SCML4: variants seen among roughly 807,000 people sequenced by gnomAD.
The protein encoded by SCML4 is sex comb on midleg-like protein 4.
SCML4 carries 34 observed loss-of-function variants against 41.1 expected under a neutral mutation model. The observed-to-expected ratio is 0.83, with a 90% CI of 0.63 to 1.10. SCML4 has a LOEUF of 1.10. Ranked by LOEUF, SCML4 falls within the 50% of genes least tolerant of loss-of-function variation. The pLI, the probability that SCML4 is intolerant of heterozygous loss-of-function variation, is 0.00. For missense variants in SCML4, 522 were observed against 534.1 expected (o/e 0.98, Z 0.22); for synonymous variants, 214 against 220.9 (o/e 0.97, Z 0.28).
At chr6:107,732,681 T>C (rs1763520607) in intron 5 of SCML4, among the ~76,000 whole-genome samples, 1 of 152,112 alleles carries the variant, frequency 6.6e-6, no homozygotes. Context: ...GCAGGTTCCA[T>C]ACCACCCTCC....
the SCML4 span, among the ~76,000 whole-genome samples, chr6:107,830,181 A>G: frequency 2.0e-5 from 3 of 152,188 alleles, no homozygotes; most frequent in Non-Finnish European, 4.4e-5. Flanking sequence ...GCCATGTGCT[A>G]AAGACATAGG....
intron 4 of SCML4, 66 bp from the exon 5 acceptor site, chr6:107,745,209 T>C: frequency 1.6e-6 from 2 of 1,219,542 alleles, no homozygotes; most frequent in Middle Eastern, 2.0e-4. Context: ...CAATCGGCCG[T>C]GGTGAGGATT....
rs993347886 is a variant in SCML4, at chr6:107,718,868, A to G, written c.973+1835T>C. The G allele has an allele frequency of 2.6e-5, 4 of 152,244 alleles. No individual in the cohort carries two copies. In the East Asian group the frequency reaches 5.8e-4, roughly 22 times the overall value. The allele number at this position is 152,244 out of a possible 1,614,324, so 9.4% of individuals were successfully genotyped here. On this transcript the variant is annotated intron_variant, in intron 6 of 7. Coordinates refer to ENST00000369020, the MANE Select transcript of SCML4 (RefSeq NM_198081.5). ...CCCTGAGAAAAGGGGAATGGGGCTG[A>G]GGAGAAGAGGATGAGAGAAAGACAT...
intron 3 of SCML4, among the ~76,000 whole-genome samples, chr6:107,749,209 A>G (rs1778399287): frequency 6.6e-6 from 1 of 152,046 alleles, no homozygotes; most frequent in Non-Finnish European, 1.5e-5. Context: ...CAGTTGGTGG[A>G]TGCCCCACCA....
intron 2 of SCML4, among the ~76,000 whole-genome samples, chr6:107,761,656 C>A (rs1779606939): frequency 6.6e-6 from 1 of 152,024 alleles, no homozygotes; most frequent in Non-Finnish European, 1.5e-5. Context: ...AGGCTGGTCT[C>A]AAACTCCTGA....
At chr6:107,749,506 A>G (rs1001745107) in intron 3 of SCML4, among the ~76,000 whole-genome samples, 178 bp downstream of exon 3, 2 of 152,226 alleles carry the variant, frequency 1.3e-5, no homozygotes, top group African/African-American at 4.8e-5. Flanking sequence ...GCTGTGGGAC[A>G]TATAAACTGG....
intron 7 of SCML4, 78 bp from the exon 8 acceptor site, chr6:107,705,403 G>T (rs1037481521): frequency 6.6e-6 from 9 of 1,371,226 alleles, no homozygotes; most frequent in Non-Finnish European, 9.1e-6. Context: ...GTTAAGGTGT[G>T]GTCAAGGGGT....
At chr6:107,748,675 G>A (rs1778348044) in intron 3 of SCML4, among the ~76,000 whole-genome samples, 1 of 152,202 alleles carries the variant, frequency 6.6e-6, no homozygotes. Flanking sequence ...ACAAAATGAA[G>A]CAGTCCCTGC....
At chr6:107,838,872 A>G in the SCML4 span, among the ~76,000 whole-genome samples, 1 of 152,176 alleles carries the variant, frequency 6.6e-6, no homozygotes, top group East Asian at 1.9e-4. Context: ...CTTTATTGGG[A>G]GGATGAAGGG....
intron 6 of SCML4, among the ~76,000 whole-genome samples, chr6:107,716,855 C>G (rs976181674): frequency 1.3e-5 from 2 of 152,136 alleles, no homozygotes; most frequent in Admixed American, 6.5e-5. Flanking sequence ...TAAGCAGAAA[C>G]GGAAACCTCT....
chr6:107,835,875 TC>T, the SCML4 span, among the ~76,000 whole-genome samples: 1 of 151,834 alleles, frequency 6.6e-6, no homozygotes, highest in Non-Finnish European at 1.5e-5. Flanking sequence ...TAGAAAAACT[TC>T]AAGGATCAAT....
intron 1 of SCML4, among the ~76,000 whole-genome samples, chr6:107,775,719 C>G (rs532556952): frequency 4.7e-4 from 71 of 152,184 alleles, no homozygotes; most frequent in African/African-American, 1.7e-3. Flanking sequence ...TCCAAACTGA[C>G]TTTAGAAAAA....
intron 2 of SCML4, among the ~76,000 whole-genome samples, chr6:107,767,638 C>T (rs187713686): frequency 4.6e-5 from 7 of 152,308 alleles, no homozygotes; most frequent in Admixed American, 1.3e-4. Context: ...AGAAGCCTGT[C>T]CTTTAGGTAC....
intron 3 of SCML4, 80 bp from the exon 4 acceptor site, chr6:107,746,969 G>A (rs1778169976): frequency 8.2e-7 from 1 of 1,222,636 alleles, no homozygotes; most frequent in Admixed American, 2.1e-5. Context: ...CACGGGGGAT[G>A]CCTCAGCCAT....
chr6:107,711,478 C>T (rs1372435524), intron 6 of SCML4, among the ~76,000 whole-genome samples: 4 of 152,202 alleles, frequency 2.6e-5, no homozygotes, highest in Admixed American at 6.5e-5. Context: ...TGTACCACAC[C>T]GCCTAGGTGT....
At chr6:107,822,508 C>CT (rs10677944) in intron 1 of SCML4, among the ~76,000 whole-genome samples, 10 of 137,998 alleles carry the variant, frequency 7.2e-5, no homozygotes, top group African/African-American at 2.6e-4. Flanking sequence ...TTTTTCTTTT[C>CT]TTTTTTTTTT....
At chr6:107,786,645 G>C (rs1438739717) in intron 1 of SCML4, among the ~76,000 whole-genome samples, 1 of 152,170 alleles carries the variant, frequency 6.6e-6, no homozygotes. Context: ...CTTAAGGATT[G>C]ACAAATATTT....
intron 3 of SCML4, among the ~76,000 whole-genome samples, chr6:107,749,197 G>A (rs1778397681): frequency 1.3e-5 from 2 of 152,128 alleles, no homozygotes; most frequent in Admixed American, 1.3e-4. Flanking sequence ...TGATGAAACT[G>A]TCAGTTGGTG....
intron 1 of SCML4, among the ~76,000 whole-genome samples, chr6:107,791,166 A>G (rs1782297395): frequency 6.6e-6 from 1 of 152,176 alleles, no homozygotes; most frequent in African/African-American, 2.4e-5. Context: ...CAGAGCAAGA[A>G]GAACAGGGAT....
Sources: allele counts gnomAD v4.1 joint callset (sites outside exome capture counted in the v4.1 genomes callset), GRCh38; gene constraint gnomAD v4.1.1; transcripts MANE v1.5; gene names NCBI Gene and HGNC (gene_info 2026-07-23, HGNC 2026-07-21).